Variants in PTPRK observed in about 807,000 individuals in gnomAD.
PTPRK encodes receptor-type tyrosine-protein phosphatase kappa.
PTPRK carries 75 observed loss-of-function variants against 178.0 expected under a neutral mutation model. The ratio of observed to expected loss-of-function variants is 0.42; its 90% CI spans 0.35 to 0.51. The LOEUF (loss-of-function observed/expected upper bound fraction) is 0.51, where lower values mean the gene tolerates loss of function less well. Among genes scored for constraint, PTPRK ranks in the 20% least tolerant of loss-of-function variants. The pLI is 0.02. For missense variants in PTPRK, 1,441 were observed against 1,797.8 expected (o/e 0.80, Z 3.59); for synonymous variants, 637 against 620.6 (o/e 1.03, Z -0.39).
intron 7 of PTPRK, among the ~76,000 whole-genome samples, chr6:128,111,183 C>A (rs1042723159): frequency 6.6e-6 from 1 of 152,096 alleles, no homozygotes; most frequent in African/African-American, 2.4e-5. Context: ...AACCAAAGAC[C>A]ATGTAAAAAT....
intron 5 of PTPRK, among the ~76,000 whole-genome samples, chr6:128,221,917 GT>G (rs901226016): frequency 6.6e-6 from 1 of 151,868 alleles, no homozygotes; most frequent in African/African-American, 2.4e-5. Flanking sequence ...CTCAGACTGC[GT>G]TTTTTTCAAT....
intron 7 of PTPRK, among the ~76,000 whole-genome samples, chr6:128,183,673 C>T (rs1802296790): frequency 6.6e-6 from 1 of 152,096 alleles, no homozygotes; most frequent in African/African-American, 2.4e-5. Flanking sequence ...AAACACTACA[C>T]TAAAAATGTA....
intron 2 of PTPRK, among the ~76,000 whole-genome samples, chr6:128,367,469 G>A (rs1432059922): frequency 2.6e-5 from 4 of 152,122 alleles, no homozygotes; most frequent in Non-Finnish European, 5.9e-5. Context: ...TTAACCTAAT[G>A]TATCCAATAT....
intron 3 of PTPRK, among the ~76,000 whole-genome samples, chr6:128,243,509 A>AAAAAAG (rs1814880176): frequency 2.2e-5 from 3 of 137,704 alleles, no homozygotes; most frequent in African/African-American, 3.0e-5. Flanking sequence ...AAAAAAAAAA[A>AAAAAAG]AAAAGAAAAG....
rs116360685 is a variant in PTPRK, at chr6:128,490,718, T to G, written c.100+29541A>C. On this transcript the variant is annotated intron_variant, in intron 1 of 29. Coordinates refer to ENST00000368226, the MANE Select transcript of PTPRK (RefSeq NM_002844.4). ...ATGTATTAGTATACTAGGGCCAACATAGCAAAATACCACAGACTTGAAGGC... is the reference window on the plus strand; with the variant it reads ...ATGTATTAGTATACTAGGGCCAACAGAGCAAAATACCACAGACTTGAAGGC... Among the ~76,000 whole-genome samples, 750 of 152,334 alleles carry G rather than the reference T, an allele frequency of 4.9e-3. 10 individuals are homozygous for G. Among genetic ancestry groups the G allele is most frequent in the African/African-American group, 0.017 (712 of 41,572 alleles).
chr6:128,248,831 T>C (rs1815949071), intron 3 of PTPRK, among the ~76,000 whole-genome samples: 1 of 152,170 alleles, frequency 6.6e-6, no homozygotes, highest in African/African-American at 2.4e-5. Flanking sequence ...GGTTCAACTT[T>C]CAAAAAATTT....
chr6:128,340,696 A>T, intron 2 of PTPRK: 1 of 410,700 alleles, frequency 2.4e-6, no homozygotes, highest in South Asian at 2.0e-5. Flanking sequence ...GTTATTTAAT[A>T]TAAAATGATG....
At chr6:128,463,741 GTTTTTTT>G (rs896710320) in intron 1 of PTPRK, among the ~76,000 whole-genome samples, 11 of 96,876 alleles carry the variant, frequency 1.1e-4, no homozygotes, top group African/African-American at 3.6e-4. Context: ...AATCTTCACG[GTTTTTTT>G]TTTTTTTTTT....
rs1373879797 is a variant in PTPRK at position 127,995,681 on chromosome 6, A to G, written c.2768-143T>C. 5.4e-6 allele frequency: 3 copies of G among 552,728 alleles called. No homozygotes were observed. The African/African-American group carries it at 5.7e-5, about 11-fold the overall frequency. The allele number at this position is 552,728 out of a possible 1,614,324, so 34.2% of individuals were successfully genotyped here. A position where few individuals can be genotyped will look rare whatever the true frequency, so the allele number is the denominator to read the frequency against. ...TACCAAATCAGTCCTTTGAAGAAAT[A>G]TAAGAATGTTAGTGAACCTTGCTAT... On this transcript the variant is annotated intron_variant, in intron 17 of 29. Coordinates refer to ENST00000368226, the MANE Select transcript of PTPRK (RefSeq NM_002844.4).
chr6:128,153,636 G>A (rs1797582537), intron 7 of PTPRK, among the ~76,000 whole-genome samples: 1 of 151,792 alleles, frequency 6.6e-6, no homozygotes, highest in South Asian at 2.1e-4. Flanking sequence ...ATGAATGTAA[G>A]CAAATATACT....
chr6:128,223,326 C>T (rs1010295614), intron 5 of PTPRK, among the ~76,000 whole-genome samples: 2 of 151,552 alleles, frequency 1.3e-5, no homozygotes, highest in Non-Finnish European at 2.9e-5. Flanking sequence ...ATCATCAATC[C>T]AAATTAATAA....
At position 128,111,397 on chromosome 6, in the gene PTPRK, A is replaced by T. The variant is rs534450759; in HGVS notation, c.1163-21405T>A. ...TAGAGATCATTCTTGTTGACCTGTA[A>T]TTATGGAAGTATTTACTAAGTTAGA... On this transcript the variant is annotated intron_variant, in intron 7 of 29. Transcript: ENST00000368226. Among the ~76,000 whole-genome samples, 5 of 152,264 alleles carry T rather than the reference A, an allele frequency of 3.3e-5. No homozygotes were observed. In the East Asian group the frequency reaches 9.7e-4, roughly 29 times the overall value.
chr6:128,165,974 G>T (rs1031123162), intron 7 of PTPRK, among the ~76,000 whole-genome samples: 5 of 151,562 alleles, frequency 3.3e-5, no homozygotes, highest in Non-Finnish European at 4.4e-5. Context: ...TCTAGATTTA[G>T]CTCTCAGTTA....
chr6:128,280,855 A>G (rs543586152), intron 3 of PTPRK, among the ~76,000 whole-genome samples: 15 of 152,304 alleles, frequency 9.8e-5, no homozygotes, highest in African/African-American at 3.4e-4. Context: ...AATTGTAGTT[A>G]TGTTAGATGT....
intron 9 of PTPRK, among the ~76,000 whole-genome samples, chr6:128,083,294 A>C (rs1163224590): frequency 6.6e-6 from 1 of 152,018 alleles, no homozygotes; most frequent in South Asian, 2.1e-4. Context: ...TTTATAATCT[A>C]TTTTGCTTTT....
rs982947489 is a variant in PTPRK at position 127,970,038 on chromosome 6, T to C, written c.*189A>G. The C allele has an allele frequency of 8.2e-6, 4 of 488,310 alleles. No individual in the cohort carries two copies. The highest frequency in any genetic ancestry group is 1.4e-5 in the Non-Finnish European group (4 of 277,816). 30.2% of individuals were successfully genotyped at this position (488,310 alleles called of 1,614,324 possible). On this transcript the variant is annotated 3_prime_UTR_variant, in exon 30 of 30. Transcript: ENST00000368226. ...AAATGTTGATGCTTTAATATAGTAA[T>C]AAAAACTAATTCAGTCCTTTTTATT... is the stretch of plus-strand genomic sequence containing the variant.
chr6:128,142,972 CTAAAA>C (rs1406368580), intron 7 of PTPRK, among the ~76,000 whole-genome samples: 1 of 152,010 alleles, frequency 6.6e-6, no homozygotes, highest in Non-Finnish European at 1.5e-5. Context: ...GGCCTTTGAT[CTAAAA>C]TATTGACTTA....
At chr6:128,458,276 G>C (rs1432072987) in intron 1 of PTPRK, among the ~76,000 whole-genome samples, 2 of 152,160 alleles carry the variant, frequency 1.3e-5, no homozygotes, top group Non-Finnish European at 2.9e-5. Context: ...TATACAGAGA[G>C]CAGATGAAGA....
chr6:128,025,630 A>G (rs554215513), intron 13 of PTPRK, among the ~76,000 whole-genome samples: 1 of 152,338 alleles, frequency 6.6e-6, no homozygotes, highest in South Asian at 2.1e-4. Context: ...TGGGAACTAG[A>G]GGGCCCCAAA....
Sources: allele counts gnomAD v4.1 joint callset (sites outside exome capture counted in the v4.1 genomes callset), GRCh38; gene constraint gnomAD v4.1.1; transcripts MANE v1.5; gene names NCBI Gene and HGNC (gene_info 2026-07-23, HGNC 2026-07-21).